WDR31: variants seen among roughly 807,000 people sequenced by gnomAD.
The protein encoded by WDR31 is WD repeat-containing protein 31.
Under a neutral mutation model 47.3 loss-of-function variants are expected in WDR31, and 30 were observed. The observed-to-expected ratio is 0.63, with a 90% CI of 0.47 to 0.86. The LOEUF (loss-of-function observed/expected upper bound fraction) is 0.86. WDR31 is among the 40% of genes least tolerant of loss of function. The pLI, the probability that WDR31 is intolerant of heterozygous loss-of-function variation, is 0.00. For synonymous variants in WDR31, 137 were observed against 159.4 expected, an observed-to-expected ratio of 0.86 and a Z score of 1.06; for missense variants, 406 against 442.9, an observed-to-expected ratio of 0.92 and a Z score of 0.75.
At chr9:113,334,209 T>G (rs754169124) in intron 2 of WDR31, among the ~76,000 whole-genome samples, 1 of 152,076 alleles carries the variant, frequency 6.6e-6, no homozygotes, top group Non-Finnish European at 1.5e-5. Flanking sequence ...TTTCGCCAAC[T>G]CCTGGGCTCA....
chr9:113,338,705 A>T (rs1588053721), intron 1 of WDR31, among the ~76,000 whole-genome samples: 1 of 145,988 alleles, frequency 6.8e-6, no homozygotes, highest in African/African-American at 2.6e-5. Flanking sequence ...CACAACCTCC[A>T]CCTCCCAGGT....
rs149778119 is a variant in WDR31, at chr9:113,334,091, C to T, written c.-28-2041G>A. 6.0e-3 allele frequency among the ~76,000 whole-genome samples: 908 copies of T among 152,128 alleles called. 10 individuals carry two copies. Among genetic ancestry groups the T allele is most frequent in the African/African-American group, 0.021 (863 of 41,492 alleles). Reference sequence around the variant, plus strand: ...TGGTGTGATCTCACTGTACCCTCAACCTCCTAGGCTTAGGTGATCCTCCCA... The same window carrying T: ...TGGTGTGATCTCACTGTACCCTCAATCTCCTAGGCTTAGGTGATCCTCCCA... On this transcript the variant is annotated intron_variant, in intron 2 of 10. Coordinates refer to ENST00000374193, the MANE Select transcript of WDR31 (RefSeq NM_001012361.4).
intron 5 of WDR31, 80 bp downstream of exon 5, chr9:113,328,801 A>T: frequency 8.1e-7 from 1 of 1,229,666 alleles, no homozygotes; most frequent in Non-Finnish European, 1.2e-6. Context: ...CCAAAGATTC[A>T]ATCACTCTTA....
chr9:113,318,567 C>T lies in WDR31; in HGVS notation c.851G>A (p.Cys284Tyr). Residue 284 changes from cysteine (C) to tyrosine (Y), a missense_variant, in exon 10 of 11, where the codon TGC becomes TAC. Coordinates refer to ENST00000374193, the MANE Select transcript of WDR31 (RefSeq NM_001012361.4). Reference sequence around the variant, plus strand: ...GGCCAATGCTCTTGGTAGAAAGACGCAGGATGCGACAGTCTGGAAATGCCC... The same window carrying T: ...GGCCAATGCTCTTGGTAGAAAGACGTAGGATGCGACAGTCTGGAAATGCCC... ...YKGHFQTVAS[C>Y]VFLPRALALM... 6.2e-7 allele frequency: 1 copy of T among 1,614,176 alleles called. No individual in the cohort carries two copies. Among genetic ancestry groups the T allele is most frequent in the South Asian group, 1.1e-5 (1 of 91,082 alleles).
intron 9 of WDR31, among the ~76,000 whole-genome samples, chr9:113,319,207 T>A (rs1169641900): frequency 8.5e-5 from 13 of 152,178 alleles, no homozygotes; most frequent in Non-Finnish European, 1.6e-4. Context: ...CTCTCATTGA[T>A]ACAGATCAGA....
chr9:113,330,302 T>G (rs1002857394), intron 4 of WDR31, among the ~76,000 whole-genome samples: 3 of 152,136 alleles, frequency 2.0e-5, no homozygotes. Context: ...GGCTTCGCCA[T>G]GTTGTCCAGG....
intron 10 of WDR31, among the ~76,000 whole-genome samples, chr9:113,317,519 T>C (rs1833232065): frequency 6.6e-6 from 1 of 152,236 alleles, no homozygotes; most frequent in Admixed American, 6.5e-5. Context: ...AAGCAACAGT[T>C]ACACCTGAGT....
At chr9:113,321,767 A>G (rs530434528) in intron 7 of WDR31, among the ~76,000 whole-genome samples, 189 bp from the exon 8 acceptor site, 42 of 152,304 alleles carry the variant, frequency 2.8e-4, no homozygotes, top group Admixed American at 6.5e-4. Flanking sequence ...CTAGGTTATC[A>G]GCAGCAAGAT....
In WDR31 at chr9:113,328,935, C is replaced by T. The variant is rs768068832; in HGVS notation, c.270G>A (p.Trp90Ter). ...ACCTTTTCACCACATTTCCAGTTTT[C>T]CAATTATAGGCCACAACTGTCTGAA... Reference protein sequence around the residue: ...GKDKTVVAYNWKTGNVVKRFK... With the variant: ...GKDKTVVAYN Residue 90 changes from tryptophan (W) to a stop codon, truncating the protein, a stop_gained, in exon 5 of 11, where the codon TGG becomes TGA. Transcript: ENST00000374193. LOFTEE classifies it high-confidence loss of function. 2.5e-6 allele frequency: 4 copies of T among 1,613,958 alleles called. No homozygotes were observed. Among genetic ancestry groups the T allele is most frequent in the Non-Finnish European group, 3.4e-6 (4 of 1,179,944 alleles).
chr9:113,337,611 G>A (rs1412754922), intron 1 of WDR31, among the ~76,000 whole-genome samples: 1 of 151,968 alleles, frequency 6.6e-6, no homozygotes, highest in Non-Finnish European at 1.5e-5. Flanking sequence ...GATTACAGGT[G>A]TGTGCCTCCA....
rs1201544915 is a variant in WDR31 at position 113,316,665 on chromosome 9, T to A, written c.*84A>T. 1 of 1,494,586 alleles carries A rather than the reference T, an allele frequency of 6.7e-7. No individual in the cohort carries two copies. The highest frequency in any genetic ancestry group is 1.4e-5 in the African/African-American group (1 of 71,764). The allele number at this position is 1,494,586 out of a possible 1,614,324, so 92.6% of individuals were successfully genotyped here. A position where few individuals can be genotyped will look rare whatever the true frequency, so the allele number is the denominator to read the frequency against. On this transcript the variant is annotated 3_prime_UTR_variant, in exon 11 of 11. Transcript: ENST00000374193. ...AAAGAATACCAGCCCTACATCCCACTCCCCTCAAGATAACTGGGAAAGACA... is the reference window on the plus strand; with the variant it reads ...AAAGAATACCAGCCCTACATCCCACACCCCTCAAGATAACTGGGAAAGACA...
At chr9:113,333,923 CCCTT>C (rs1327742704) in intron 2 of WDR31, among the ~76,000 whole-genome samples, 2 of 151,854 alleles carry the variant, frequency 1.3e-5, no homozygotes, top group Non-Finnish European at 2.9e-5. Context: ...CTCCCTCCCT[CCCTT>C]CCTTCCTCTC....
chr9:113,326,230 T>C (rs1225997248), intron 5 of WDR31, among the ~76,000 whole-genome samples: 1 of 152,236 alleles, frequency 6.6e-6, no homozygotes, highest in Non-Finnish European at 1.5e-5. Flanking sequence ...TCTTTAATAA[T>C]ATACCTTCAA....
chr9:113,315,424 G>A lies in WDR31; in HGVS notation c.*1325C>T, dbSNP rs964913576. ...TTCTTTGGCTGGGACTTGTCAGAAA[G>A]GGAATCTCCAGTGTTGGTGATGGTG... On this transcript the variant is annotated 3_prime_UTR_variant, in exon 11 of 11. Coordinates refer to ENST00000374193, the MANE Select transcript of WDR31 (RefSeq NM_001012361.4). 1 of 152,076 alleles carries A rather than the reference G, an allele frequency of 6.6e-6. No individual in the cohort carries two copies. Among genetic ancestry groups the A allele is most frequent in the Non-Finnish European group, 1.5e-5 (1 of 68,030 alleles). 9.4% of individuals were successfully genotyped at this position (152,076 alleles called of 1,614,324 possible). A position where few individuals can be genotyped will look rare whatever the true frequency, so the allele number is the denominator to read the frequency against.
intron 8 of WDR31, among the ~76,000 whole-genome samples, chr9:113,320,825 G>A (rs1035788758): frequency 2.6e-5 from 4 of 152,210 alleles, no homozygotes; most frequent in African/African-American, 9.6e-5. Flanking sequence ...GGATATTTCT[G>A]TGCCTGTGAC....
At position 113,324,312 on chromosome 9, in the gene WDR31, C is replaced by T. The variant is rs1055004425; in HGVS notation, c.325-1157G>A. Among the ~76,000 whole-genome samples, 3 of 151,992 alleles carry T rather than the reference C, an allele frequency of 2.0e-5. No homozygotes were observed. In the East Asian group the frequency reaches 5.8e-4, roughly 29 times the overall value. ...ATAAGCAGAATCATACCATATTTGTCCTTTTGTGTCCGGCTCTTACTTAGC... is the reference window on the plus strand; with the variant it reads ...ATAAGCAGAATCATACCATATTTGTTCTTTTGTGTCCGGCTCTTACTTAGC... On this transcript the variant is annotated intron_variant, in intron 5 of 10. Transcript: ENST00000374193.
At chr9:113,332,271 C>T (rs181591019) in intron 2 of WDR31, among the ~76,000 whole-genome samples, 12 of 152,286 alleles carry the variant, frequency 7.9e-5, no homozygotes, top group Admixed American at 1.3e-4. Flanking sequence ...AATTGCCATA[C>T]GGTCCAGCCA....
chr9:113,318,707 CT>C, intron 9 of WDR31, 70 bp from the exon 10 acceptor site: 1 of 1,550,046 alleles, frequency 6.5e-7, no homozygotes, highest in Non-Finnish European at 8.9e-7. Context: ...CTATCTCCCC[CT>C]ACCCCCATGA....
chr9:113,324,193 C>A (rs1588043142), intron 5 of WDR31, among the ~76,000 whole-genome samples: 1 of 152,054 alleles, frequency 6.6e-6, no homozygotes, highest in Admixed American at 6.6e-5. Context: ...AACCTTTAAA[C>A]AATTACTCTC....
Sources: gnomAD v4.1 joint callset for allele counts (sites outside exome capture counted in the v4.1 genomes callset) on GRCh38, gnomAD v4.1.1 for gene constraint, MANE v1.5 for transcripts, NCBI Gene and HGNC (gene_info 2026-07-23, HGNC 2026-07-21) for gene names.